The following MAPK14 variants were observed in gnomAD, a reference collection of about 807,000 sequenced individuals.
The protein encoded by MAPK14 is mitogen-activated protein kinase 14.
Under a neutral mutation model 49.6 loss-of-function variants are expected in MAPK14, and 16 were observed. The observed-to-expected ratio is 0.32, with a 90% CI of 0.22 to 0.49. The LOEUF is 0.49. MAPK14 is among the 20% of genes least tolerant of loss of function. MAPK14 has a pLI of 0.99. For synonymous variants in MAPK14, 142 were observed against 158.0 expected (o/e 0.90, Z 0.76); for missense variants, 200 against 441.2 (o/e 0.45, Z 4.90).
chr6:36,110,966 G>C lies in MAPK14; in HGVS notation c.*2519G>C, dbSNP rs928869171. The C allele has an allele frequency of 6.6e-6, 1 of 152,162 alleles. No individual in the cohort carries two copies. Among genetic ancestry groups the C allele is most frequent in the African/African-American group, 2.4e-5 (1 of 41,436 alleles). 9.4% of individuals were successfully genotyped at this position (152,162 alleles called of 1,614,324 possible). ...CAGGTCTTTGCTGTGGATGGGTAAA[G>C]CAAAGAGCAAATGAACGAAGTATTA... is the stretch of plus-strand genomic sequence containing the variant. On this transcript the variant is annotated 3_prime_UTR_variant, in exon 12 of 12. Coordinates refer to ENST00000229794, the MANE Select transcript of MAPK14 (RefSeq NM_139012.3).
At chr6:36,054,821 T>G (rs1481304554) in intron 2 of MAPK14, among the ~76,000 whole-genome samples, 1 of 152,228 alleles carries the variant, frequency 6.6e-6, no homozygotes, top group Non-Finnish European at 1.5e-5. Flanking sequence ...ATTACTGTTT[T>G]GGGTCACCAT....
In MAPK14 at chr6:36,106,636, T is replaced by G. The variant is rs369225350; in HGVS notation, c.842-819T>G. Reference sequence around the variant, plus strand: ...AAGTGTCATGTCTATAATTTTATTTTAAAACAGTTCAGAAAAAAATACATA... The same window carrying G: ...AAGTGTCATGTCTATAATTTTATTTGAAAACAGTTCAGAAAAAAATACATA... On this transcript the variant is annotated intron_variant, in intron 10 of 11. Transcript: ENST00000229794. Among the ~76,000 whole-genome samples the G allele has an allele frequency of 5.9e-5, 9 of 152,304 alleles. No individual in the cohort carries two copies. The East Asian group carries it at 1.2e-3, about 20-fold the overall frequency.
At chr6:36,112,112 G>T (rs191330121), downstream of MAPK14, among the ~76,000 whole-genome samples, 1 of 151,968 alleles carries the variant, frequency 6.6e-6, no homozygotes, top group East Asian at 1.9e-4. Context: ...AGGCTGAGGC[G>T]GGAGAATGGT....
chr6:36,032,454 G>A (rs774542270), intron 1 of MAPK14, among the ~76,000 whole-genome samples: 265 of 152,266 alleles, frequency 1.7e-3, no homozygotes, highest in Non-Finnish European at 2.4e-3. Context: ...TGGGGTTTTG[G>A]GACAGAAGGG....
At chr6:36,031,699 C>G (rs1270231253) in intron 1 of MAPK14, among the ~76,000 whole-genome samples, 1 of 152,186 alleles carries the variant, frequency 6.6e-6, no homozygotes, top group Admixed American at 6.5e-5. Context: ...GCCACCGTCT[C>G]TGGCCATCCA....
At chr6:36,090,236 G>T (rs966044399) in intron 8 of MAPK14, among the ~76,000 whole-genome samples, 8 of 152,042 alleles carry the variant, frequency 5.3e-5, no homozygotes, top group African/African-American at 1.9e-4. Flanking sequence ...TGTCCTGCTT[G>T]TGAGTTAAAA....
In MAPK14 at chr6:36,111,143, G is replaced by GAAAAAAAAAAGA. The variant is rs5875532; in HGVS notation, c.*2705_*2706insAGAAAAAAAAAA. 6.6e-6 allele frequency: 1 copy of GAAAAAAAAAAGA among 151,266 alleles called. No homozygotes were observed. The allele number at this position is 151,266 out of a possible 1,614,324, so 9.4% of individuals were successfully genotyped here. On this transcript the variant is annotated 3_prime_UTR_variant, in exon 12 of 12. Coordinates refer to ENST00000229794, the MANE Select transcript of MAPK14 (RefSeq NM_139012.3). ...TTTACATTTTTAAATGGTTGGGAAA[G>GAAAAAAAAAAGA]AAAAAAAAAGAAGTAGTAGATTTTG...
chr6:36,031,982 G>C (rs1230485789), intron 1 of MAPK14, among the ~76,000 whole-genome samples: 1 of 151,662 alleles, frequency 6.6e-6, no homozygotes, highest in Non-Finnish European at 1.5e-5. Context: ...GGGTCTTACT[G>C]TGTTGCCCAG....
chr6:36,104,190 C>T (rs1765730176), intron 10 of MAPK14, among the ~76,000 whole-genome samples: 1 of 152,164 alleles, frequency 6.6e-6, no homozygotes, highest in Non-Finnish European at 1.5e-5. Context: ...GGTCGCTCTC[C>T]TGCCCTAGGA....
At chr6:36,100,696 T>G (rs1765604992) in intron 9 of MAPK14, among the ~76,000 whole-genome samples, 1 of 152,190 alleles carries the variant, frequency 6.6e-6, no homozygotes, top group Non-Finnish European at 1.5e-5. Flanking sequence ...AATACTAATA[T>G]GTACTATATT....
chr6:36,053,707 T>C (rs1763486247), intron 2 of MAPK14, among the ~76,000 whole-genome samples: 2 of 152,176 alleles, frequency 1.3e-5, no homozygotes, highest in Admixed American at 1.3e-4. Flanking sequence ...AATCTGTGAA[T>C]TTATTATTTG....
intron 1 of MAPK14, among the ~76,000 whole-genome samples, chr6:36,038,005 C>T (rs989857926): frequency 3.3e-5 from 5 of 149,800 alleles, no homozygotes; most frequent in African/African-American, 1.2e-4. Context: ...GATACCCTGT[C>T]TCCAAAAAGA....
intron 8 of MAPK14, among the ~76,000 whole-genome samples, chr6:36,078,977 A>T (rs1429985505): frequency 1.3e-5 from 2 of 152,240 alleles, no homozygotes; most frequent in African/African-American, 4.8e-5. Flanking sequence ...ACCACCCCAA[A>T]GACTCCATTT....
chr6:36,064,277 C>CCA (rs944181253), intron 3 of MAPK14, among the ~76,000 whole-genome samples: 6 of 125,858 alleles, frequency 4.8e-5, no homozygotes, highest in South Asian at 3.2e-4. Context: ...CATGCCCCCC[C>CCA]CCACCCCTTT....
At chr6:36,054,007 T>TTTTTTTTTTTTTTTTTTTTTTTTTTTG (rs1562112084) in intron 2 of MAPK14, among the ~76,000 whole-genome samples, 1 of 151,888 alleles carries the variant, frequency 6.6e-6, no homozygotes, top group Non-Finnish European at 1.5e-5. Context: ...ACCAGAGTTT[T>TTTTTTTTTTTTTTTTTTTTTTTTTTTG]AAGAATGTTC....
intron 1 of MAPK14, among the ~76,000 whole-genome samples, chr6:36,036,550 C>A (rs1303830177): frequency 2.0e-5 from 3 of 151,828 alleles, no homozygotes; most frequent in Admixed American, 2.0e-4. Context: ...AGCAATTCAC[C>A]GTTGTCTTAT....
chr6:36,038,355 A>G (rs1762830358), intron 1 of MAPK14, among the ~76,000 whole-genome samples: 1 of 152,204 alleles, frequency 6.6e-6, no homozygotes. Flanking sequence ...CTAGAGCTAA[A>G]TGAACCAGGG....
intron 1 of MAPK14, among the ~76,000 whole-genome samples, chr6:36,036,500 T>C (rs937838716): frequency 2.6e-5 from 4 of 152,078 alleles, no homozygotes; most frequent in African/African-American, 9.7e-5. Flanking sequence ...CATTGCAGGC[T>C]ACAGAGAAAT....
chr6:36,059,693 G>T (rs1763732282), intron 3 of MAPK14, among the ~76,000 whole-genome samples: 1 of 150,982 alleles, frequency 6.6e-6, no homozygotes, highest in South Asian at 2.1e-4. Flanking sequence ...TGTTGTTTTT[G>T]TTTTAAAAGA....
Sources: gnomAD v4.1 joint callset for allele counts (sites outside exome capture counted in the v4.1 genomes callset) on GRCh38, gnomAD v4.1.1 for gene constraint, MANE v1.5 for transcripts, NCBI Gene and HGNC (gene_info 2026-07-23, HGNC 2026-07-21) for gene names.